The following FNDC3B variants were observed in gnomAD, a reference collection of about 807,000 sequenced individuals.
The protein encoded by FNDC3B is fibronectin type III domain containing 3B.
In FNDC3B, 12 loss-of-function variants were observed where a neutral mutation model predicts 151.5. The observed-to-expected ratio is 0.08, with a 90% CI of 0.05 to 0.13. The LOEUF (loss-of-function observed/expected upper bound fraction) is 0.13. Ranked by LOEUF, FNDC3B falls within the 10% of genes least tolerant of loss-of-function variation. The probability of loss-of-function intolerance (pLI) is 1.00; values close to 1 mark genes in which losing one functional copy is unlikely to be tolerated. For synonymous variants in FNDC3B, 528 were observed against 549.0 expected, an observed-to-expected ratio of 0.96 and a Z score of 0.54; for missense variants, 1,214 against 1,505.3, an observed-to-expected ratio of 0.81 and a Z score of 3.20.
At chr3:172,388,591 C>T (rs569527892) in intron 25 of FNDC3B, among the ~76,000 whole-genome samples, 1 of 152,308 alleles carries the variant, frequency 6.6e-6, no homozygotes, top group East Asian at 1.9e-4. Flanking sequence ...TGCCCTGATG[C>T]GCAGAGCTGC....
intron 23 of FNDC3B, among the ~76,000 whole-genome samples, chr3:172,363,541 A>C (rs1003015530): frequency 6.6e-6 from 1 of 152,218 alleles, no homozygotes; most frequent in Non-Finnish European, 1.5e-5. Flanking sequence ...AAAAGTCCTA[A>C]TCAGACAATC....
intron 22 of FNDC3B, among the ~76,000 whole-genome samples, chr3:172,354,501 A>AT (rs1394293806): frequency 1.8e-4 from 27 of 151,226 alleles, no homozygotes; most frequent in African/African-American, 2.4e-4. Context: ...ACAATAAAAA[A>AT]AAATAATAAT....
chr3:172,328,515 C>T (rs1251975877), intron 11 of FNDC3B, among the ~76,000 whole-genome samples: 1 of 152,176 alleles, frequency 6.6e-6, no homozygotes, highest in East Asian at 1.9e-4. Flanking sequence ...TCAGGAGTTA[C>T]TGGGAAAGGC....
intron 6 of FNDC3B, among the ~76,000 whole-genome samples, chr3:172,257,850 G>A (rs1728438825): frequency 1.3e-5 from 2 of 152,128 alleles, no homozygotes; most frequent in African/African-American, 2.4e-5. Context: ...TGTTTCATCA[G>A]GCACTCCAGG....
rs144424602 is a variant in FNDC3B at position 172,341,126 on chromosome 3, A to C, written c.1866A>C (p.Glu622Asp). 1.9e-5 allele frequency: 30 copies of C among 1,613,368 alleles called. No individual in the cohort carries two copies. Among genetic ancestry groups the C allele is most frequent in the Middle Eastern group, 3.3e-4 (2 of 6,060 alleles). Reference sequence around the variant, plus strand: ...CTTGTTTTACAGCGAATCAGTGGGAAGTGGCCTACAGTGGGTCGGCTACCG... The same window carrying C: ...CTTGTTTTACAGCGAATCAGTGGGACGTGGCCTACAGTGGGTCGGCTACCG... The part of the protein sequence containing the change: ...TDGNSEANQW[E>D]VAYSGSATEY... Residue 622 changes from glutamate to aspartate, a missense_variant, in exon 17 of 26, where the codon GAA becomes GAC. Physicochemically the swap from Glu to Asp is conservative, Grantham distance 45. Coordinates refer to ENST00000415807, the MANE Select transcript of FNDC3B (RefSeq NM_022763.4).
intron 8 of FNDC3B, among the ~76,000 whole-genome samples, chr3:172,296,841 C>T (rs997629787): frequency 1.3e-5 from 2 of 152,126 alleles, no homozygotes; most frequent in Non-Finnish European, 2.9e-5. Context: ...GATATGAGAC[C>T]TGTGGATATG....
intron 23 of FNDC3B, among the ~76,000 whole-genome samples, chr3:172,366,918 A>G (rs1734651836): frequency 6.6e-6 from 1 of 152,188 alleles, no homozygotes; most frequent in African/African-American, 2.4e-5. Context: ...TCTTTCTCCA[A>G]GTAACTGTCT....
chr3:172,135,012 A>G lies in FNDC3B; in HGVS notation c.187+1466A>G, dbSNP rs560648384. Among the ~76,000 whole-genome samples the G allele has an allele frequency of 3.2e-3, 485 of 152,156 alleles. 2 individuals are homozygous for G. Among genetic ancestry groups the G allele is most frequent in the African/African-American group, 0.011 (466 of 41,522 alleles). ...TTAAAAAAAAAAAAAAAATCACACTAGAAAAACTAGATGAAAGTCACCTAT... is the reference window on the plus strand; with the variant it reads ...TTAAAAAAAAAAAAAAAATCACACTGGAAAAACTAGATGAAAGTCACCTAT... On this transcript the variant is annotated intron_variant, in intron 3 of 25. Transcript: ENST00000415807.
At chr3:172,073,294 G>A (rs906801957) in intron 1 of FNDC3B, among the ~76,000 whole-genome samples, 3 of 152,204 alleles carry the variant, frequency 2.0e-5, no homozygotes, top group East Asian at 1.9e-4. Flanking sequence ...GGTGGTTGGG[G>A]TGTTTTCAGC....
chr3:172,243,709 G>C (rs190300123), intron 4 of FNDC3B, among the ~76,000 whole-genome samples: 212 of 152,190 alleles, frequency 1.4e-3, no homozygotes, highest in African/African-American at 4.4e-3. Context: ...TGTTCCCTTT[G>C]TGCATGTGTC....
At chr3:172,184,188 T>C (rs368766337) in intron 3 of FNDC3B, 2 of 152,190 alleles carry the variant, frequency 1.3e-5, no homozygotes, top group African/African-American at 4.8e-5. Context: ...TCAAAGCCCT[T>C]TTAATCTCTG....
chr3:172,399,840 T>C lies in FNDC3B; in HGVS notation c.*2365T>C, dbSNP rs1047751312. 6.5e-6 allele frequency: 1 copy of C among 152,676 alleles called. No individual in the cohort carries two copies. The highest frequency in any genetic ancestry group is 2.4e-5 in the African/African-American group (1 of 41,468). The allele number at this position is 152,676 out of a possible 1,614,324, so 9.5% of individuals were successfully genotyped here. ...AGAAATTCTCTAATTGGTTGAATTT[T>C]TTTTTTAAGTAAATAGTACTTTAGG... On this transcript the variant is annotated 3_prime_UTR_variant, in exon 26 of 26. Transcript: ENST00000415807.
intron 3 of FNDC3B, 188 bp downstream of exon 3, chr3:172,133,734 G>T (rs1721226984): frequency 1.6e-6 from 1 of 631,592 alleles, no homozygotes; most frequent in Non-Finnish European, 2.8e-6. Flanking sequence ...GACATTTTTA[G>T]TGGTAAAATC....
intron 19 of FNDC3B, among the ~76,000 whole-genome samples, chr3:172,344,942 A>G (rs1414256571): frequency 6.6e-6 from 1 of 152,222 alleles, no homozygotes; most frequent in East Asian, 1.9e-4. Context: ...GATGAAGCAT[A>G]AAAGGGCAGA....
chr3:172,092,117 T>C (rs1350062311), intron 1 of FNDC3B, among the ~76,000 whole-genome samples: 1 of 152,140 alleles, frequency 6.6e-6, no homozygotes, highest in Non-Finnish European at 1.5e-5. Flanking sequence ...GTGTTTATGA[T>C]AGTGGTTGAT....
intron 21 of FNDC3B, among the ~76,000 whole-genome samples, chr3:172,349,070 C>T (rs545239728): frequency 6.6e-6 from 1 of 151,990 alleles, no homozygotes; most frequent in East Asian, 1.9e-4. Context: ...GCCGGCTGAT[C>T]TCTTGAGCCA....
At chr3:172,378,499 G>A in intron 24 of FNDC3B, 63 bp downstream of exon 24, 1 of 1,388,034 alleles carries the variant, frequency 7.2e-7, no homozygotes, top group Admixed American at 2.6e-5. Flanking sequence ...GGGACTTATA[G>A]AAAGAAGCTC....
chr3:172,156,891 TTTACTTGTCCTC>T (rs1670086731), intron 3 of FNDC3B, among the ~76,000 whole-genome samples: 2 of 152,176 alleles, frequency 1.3e-5, no homozygotes, highest in South Asian at 4.1e-4. Flanking sequence ...CTATCAGAAG[TTTACTTGTCCTC>T]AATATTCCGG....
intron 3 of FNDC3B, among the ~76,000 whole-genome samples, chr3:172,226,150 C>T (rs1726559895): frequency 6.6e-6 from 1 of 151,862 alleles, no homozygotes; most frequent in African/African-American, 2.4e-5. Context: ...ACTAAAAATA[C>T]AAAAATTAGC....
Sources: allele counts gnomAD v4.1 joint callset (sites outside exome capture counted in the v4.1 genomes callset), GRCh38; gene constraint gnomAD v4.1.1; transcripts MANE v1.5; gene names NCBI Gene and HGNC (gene_info 2026-07-23, HGNC 2026-07-21).